NKAIN2: variants seen among roughly 807,000 people sequenced by gnomAD.
The protein encoded by NKAIN2 is sodium/potassium transporting ATPase interacting 2.
Under a neutral mutation model 32.6 loss-of-function variants are expected in NKAIN2, and 14 were observed. The observed-to-expected ratio is 0.43, with a 90% CI of 0.28 to 0.67. The LOEUF (loss-of-function observed/expected upper bound fraction) is 0.67, where lower values mean the gene tolerates loss of function less well. Ranked by LOEUF, NKAIN2 falls within the 30% of genes least tolerant of loss-of-function variation. NKAIN2 has a pLI of 0.17. For synonymous variants in NKAIN2, 80 were observed against 87.2 expected (o/e 0.92, Z 0.46); for missense variants, 198 against 258.3 (o/e 0.77, Z 1.60).
At chr6:124,028,895 A>C (rs373220082) in intron 1 of NKAIN2, among the ~76,000 whole-genome samples, 731 of 16,700 alleles carry the variant, frequency 0.044, 6 homozygotes, top group African/African-American at 0.23. Flanking sequence ...GTGTATATAT[A>C]TATATATACA....
intron 3 of NKAIN2, among the ~76,000 whole-genome samples, chr6:124,460,657 G>A (rs571505417): frequency 6.6e-6 from 1 of 151,476 alleles, no homozygotes; most frequent in Non-Finnish European, 1.5e-5. Flanking sequence ...GGCTTTTAAA[G>A]ATTTTTCTTT....
At chr6:123,856,091 C>G (rs1023713655) in intron 1 of NKAIN2, among the ~76,000 whole-genome samples, 2 of 152,156 alleles carry the variant, frequency 1.3e-5, no homozygotes, top group African/African-American at 4.8e-5. Context: ...TGATTTCTTA[C>G]TTTTTCACTT....
At chr6:124,021,773 TTAAAAAATTC>T (rs1209334310) in intron 1 of NKAIN2, among the ~76,000 whole-genome samples, 1 of 152,126 alleles carries the variant, frequency 6.6e-6, no homozygotes, top group Non-Finnish European at 1.5e-5. Context: ...GGGCAATTTA[TTAAAAAATTC>T]TATCCTCTCC....
intron 4 of NKAIN2, among the ~76,000 whole-genome samples, chr6:124,696,768 ATTTTTTTT>A (rs140409570): frequency 7.2e-6 from 1 of 138,934 alleles, no homozygotes; most frequent in Non-Finnish European, 1.6e-5. Flanking sequence ...AAAAGGATCT[ATTTTTTTT>A]TTTTTTTTGC....
intron 3 of NKAIN2, among the ~76,000 whole-genome samples, chr6:124,600,620 A>C (rs1782268858): frequency 6.6e-6 from 1 of 152,078 alleles, no homozygotes; most frequent in Non-Finnish European, 1.5e-5. Flanking sequence ...GAGAATCCAA[A>C]GGGTTAAATT....
chr6:124,645,325 G>A (rs187865736), intron 3 of NKAIN2, among the ~76,000 whole-genome samples: 5 of 152,208 alleles, frequency 3.3e-5, no homozygotes, highest in Admixed American at 6.5e-5. Flanking sequence ...TAAGGAACAG[G>A]TAGCTTGCCT....
At chr6:124,333,494 TAC>T (rs1357528482) in intron 2 of NKAIN2, among the ~76,000 whole-genome samples, 4 of 152,016 alleles carry the variant, frequency 2.6e-5, no homozygotes. Flanking sequence ...AACCAATCTC[TAC>T]TAAAAATACA....
At chr6:124,588,093 C>G (rs970209747) in intron 3 of NKAIN2, among the ~76,000 whole-genome samples, 2 of 152,146 alleles carry the variant, frequency 1.3e-5, no homozygotes, top group Admixed American at 1.3e-4. Context: ...TCACTTGACT[C>G]TGTGTCATTT....
chr6:124,505,370 T>G (rs1342391221), intron 3 of NKAIN2, among the ~76,000 whole-genome samples: 3 of 152,142 alleles, frequency 2.0e-5, no homozygotes, highest in Non-Finnish European at 4.4e-5. Flanking sequence ...CTCTAACAAA[T>G]TCACTGTATT....
chr6:124,626,615 A>G (rs1002087309), intron 3 of NKAIN2, among the ~76,000 whole-genome samples: 1 of 152,184 alleles, frequency 6.6e-6, no homozygotes, highest in African/African-American at 2.4e-5. Flanking sequence ...GTAGTCAAAA[A>G]GGGAATTACT....
chr6:124,740,202 A>G (rs537551936), intron 4 of NKAIN2, among the ~76,000 whole-genome samples: 2 of 151,796 alleles, frequency 1.3e-5, no homozygotes, highest in South Asian at 2.1e-4. Context: ...TAACTAGGGA[A>G]GGAATTCTAA....
chr6:124,499,310 C>T (rs1451447128), intron 3 of NKAIN2, among the ~76,000 whole-genome samples: 1 of 152,084 alleles, frequency 6.6e-6, no homozygotes, highest in East Asian at 1.9e-4. Flanking sequence ...GTCCTACAGC[C>T]TGTGCACAGT....
chr6:124,618,791 G>A (rs1165380400), intron 3 of NKAIN2, among the ~76,000 whole-genome samples: 1 of 152,138 alleles, frequency 6.6e-6, no homozygotes, highest in Non-Finnish European at 1.5e-5. Context: ...TGGAAAGATA[G>A]TTTTGAGATT....
chr6:124,129,893 T>G (rs1330342333), intron 1 of NKAIN2, among the ~76,000 whole-genome samples: 1 of 152,144 alleles, frequency 6.6e-6, no homozygotes, highest in East Asian at 1.9e-4. Flanking sequence ...GCTGGGATTA[T>G]AGGCGTGAGC....
chr6:124,118,936 G>A (rs1406145861), intron 1 of NKAIN2, among the ~76,000 whole-genome samples: 13 of 152,144 alleles, frequency 8.5e-5, no homozygotes. Flanking sequence ...CAGTTAGATG[G>A]TGAGCCAGAT....
intron 3 of NKAIN2, among the ~76,000 whole-genome samples, chr6:124,528,201 A>G (rs1369449328): frequency 6.6e-6 from 1 of 152,194 alleles, no homozygotes; most frequent in Admixed American, 6.5e-5. Flanking sequence ...GGGAGTACCA[A>G]TGGGATTGAA....
At chr6:123,849,466 A>G (rs1047001674) in intron 1 of NKAIN2, among the ~76,000 whole-genome samples, 5 of 152,170 alleles carry the variant, frequency 3.3e-5, no homozygotes, top group Admixed American at 2.6e-4. Context: ...TCTGAGGCTC[A>G]CCTTAGAGTC....
At chr6:124,314,291 A>G (rs1304689681) in intron 2 of NKAIN2, among the ~76,000 whole-genome samples, 1 of 152,158 alleles carries the variant, frequency 6.6e-6, no homozygotes, top group Non-Finnish European at 1.5e-5. Context: ...TTATTAATGG[A>G]AAATGAGCAA....
chr6:124,251,634 A>G (rs1404916706), intron 1 of NKAIN2, among the ~76,000 whole-genome samples: 1 of 152,030 alleles, frequency 6.6e-6, no homozygotes, highest in African/African-American at 2.4e-5. Flanking sequence ...TGATAATTAA[A>G]TCCACATTGA....
Sources: gnomAD v4.1 joint callset for allele counts (sites outside exome capture counted in the v4.1 genomes callset) on GRCh38, gnomAD v4.1.1 for gene constraint, MANE v1.5 for transcripts, NCBI Gene and HGNC (gene_info 2026-07-23, HGNC 2026-07-21) for gene names.